The following UPRT variants were observed in gnomAD, a reference collection of about 807,000 sequenced individuals.
The protein encoded by UPRT is RP11-311P8.3.
UPRT carries 5 observed loss-of-function variants against 22.6 expected under a neutral mutation model. That is an observed-to-expected ratio of 0.22 (90% CI 0.12 to 0.47). UPRT has a LOEUF of 0.47. Ranked by LOEUF, UPRT falls within the 20% of genes least tolerant of loss-of-function variation. The probability of loss-of-function intolerance (pLI) is 0.99; values close to 1 mark genes in which losing one functional copy is unlikely to be tolerated. For synonymous variants in UPRT, 77 were observed against 87.7 expected, an observed-to-expected ratio of 0.88 and a Z score of 0.68; for missense variants, 181 against 239.9, an observed-to-expected ratio of 0.75 and a Z score of 1.62.
chrX:75,192,105 G>A (rs758901534), intron 4 of UPRT, among the ~76,000 whole-genome samples: 6 of 111,660 alleles, frequency 5.4e-5, no homozygotes, highest in Non-Finnish European at 7.5e-5. Flanking sequence ...TTGGAACCGC[G>A]TATAACCTTC....
intron 4 of UPRT, among the ~76,000 whole-genome samples, chrX:75,249,137 A>G (rs1466100569): frequency 9.0e-6 from 1 of 111,586 alleles, no homozygotes; most frequent in Non-Finnish European, 1.9e-5. Context: ...AAGTCTAGGA[A>G]GAGCTGCATC....
intron 4 of UPRT, among the ~76,000 whole-genome samples, chrX:75,247,814 G>A (rs2082512293): frequency 1.8e-5 from 2 of 112,121 alleles, no homozygotes; most frequent in South Asian, 3.7e-4. Flanking sequence ...CTAACTAGGA[G>A]GCACCCCTCA....
chrX:75,279,278 G>C (rs1602488917), intron 1 of UPRT, among the ~76,000 whole-genome samples: 1 of 111,573 alleles, frequency 9.0e-6, no homozygotes, highest in Admixed American at 9.5e-5. Flanking sequence ...CTTCCAGCTT[G>C]CACAAAACCA....
chrX:75,178,833 G>T (rs1445381438), intron 4 of UPRT, among the ~76,000 whole-genome samples: 2 of 111,336 alleles, frequency 1.8e-5, no homozygotes, highest in Admixed American at 9.5e-5. Context: ...AAAGAACAAA[G>T]CTTCCACAGT....
intron 4 of UPRT, among the ~76,000 whole-genome samples, chrX:75,267,780 T>C (rs1158847368): frequency 8.9e-6 from 1 of 111,809 alleles, no homozygotes; most frequent in Non-Finnish European, 1.9e-5. Context: ...GGGAAATTTA[T>C]AGCACTAAAT....
chrX:75,182,700 T>C (rs1006326073), intron 4 of UPRT, among the ~76,000 whole-genome samples: 1 of 112,003 alleles, frequency 8.9e-6, no homozygotes, highest in African/African-American at 3.2e-5. Flanking sequence ...TAATGTTCTC[T>C]TTTTCATTTC....
intron 3 of UPRT, among the ~76,000 whole-genome samples, chrX:75,296,654 C>T (rs745892025): frequency 1.8e-5 from 2 of 111,819 alleles, no homozygotes; most frequent in African/African-American, 3.2e-5. Context: ...TCAGCATGCA[C>T]GTGTTGCCTC....
intron 4 of UPRT, among the ~76,000 whole-genome samples, chrX:75,225,703 T>C (rs2082422212): frequency 8.9e-6 from 1 of 111,984 alleles, no homozygotes; most frequent in African/African-American, 3.2e-5. Context: ...TCACCAGTTA[T>C]TCTGGAAAAT....
chrX:75,253,011 G>T, intron 4 of UPRT, among the ~76,000 whole-genome samples: 1 of 110,753 alleles, frequency 9.0e-6, no homozygotes, highest in South Asian at 3.9e-4. Context: ...ATGGACACAG[G>T]TAGGGGAACA....
chrX:75,233,131 T>G (rs1401853488), intron 4 of UPRT, among the ~76,000 whole-genome samples: 3 of 110,472 alleles, frequency 2.7e-5, no homozygotes, highest in Non-Finnish European at 5.7e-5. Context: ...GACAACTACG[T>G]GAAGAATGCA....
At chrX:75,205,784 T>C (rs1325393127) in intron 4 of UPRT, among the ~76,000 whole-genome samples, 1 of 111,628 alleles carries the variant, frequency 9.0e-6, no homozygotes, top group African/African-American at 3.3e-5. Flanking sequence ...TTGCGTGCTG[T>C]CTTATTAGAT....
intron 4 of UPRT, among the ~76,000 whole-genome samples, chrX:75,241,327 C>T (rs750084175): frequency 1.8e-5 from 2 of 111,571 alleles, no homozygotes; most frequent in Non-Finnish European, 3.8e-5. Flanking sequence ...AAAAAAAATG[C>T]TCAACATCAC....
At chrX:75,226,736 C>T (rs2082424913) in intron 4 of UPRT, among the ~76,000 whole-genome samples, 1 of 109,888 alleles carries the variant, frequency 9.1e-6, no homozygotes. Flanking sequence ...CCTTTCCCTG[C>T]TTGCCATCAT....
At chrX:75,206,569 A>C (rs2082367653) in intron 4 of UPRT, among the ~76,000 whole-genome samples, 1 of 111,445 alleles carries the variant, frequency 9.0e-6, no homozygotes, top group African/African-American at 3.3e-5. Context: ...TTTATCATTG[A>C]GGTAGAACTA....
At chrX:75,282,720 T>C (rs1043475064) in intron 1 of UPRT, among the ~76,000 whole-genome samples, 1 of 111,894 alleles carries the variant, frequency 8.9e-6, no homozygotes, top group Non-Finnish European at 1.9e-5. Context: ...GAAAGTTCCA[T>C]GCACTGTTGA....
intron 4 of UPRT, among the ~76,000 whole-genome samples, chrX:75,253,550 A>T (rs1290922967): frequency 1.8e-5 from 2 of 111,932 alleles, no homozygotes; most frequent in African/African-American, 6.5e-5. Context: ...TCTTTAGAGG[A>T]TCATGGCAGA....
upstream of UPRT, among the ~76,000 whole-genome samples, chrX:75,271,121 T>A: frequency 9.0e-6 from 1 of 111,671 alleles, no homozygotes; most frequent in East Asian, 2.8e-4. Flanking sequence ...AATGCAATTC[T>A]CATCAAAATA....
At chrX:75,252,116 A>T (rs2082532620) in intron 4 of UPRT, among the ~76,000 whole-genome samples, 1 of 112,351 alleles carries the variant, frequency 8.9e-6, no homozygotes, top group African/African-American at 3.2e-5. Flanking sequence ...ATGCTAGAAG[A>T]AAACCTAGGC....
intron 4 of UPRT, among the ~76,000 whole-genome samples, chrX:75,190,384 G>A (rs375209355): frequency 1.4e-3 from 160 of 111,787 alleles, no homozygotes; most frequent in Middle Eastern, 9.3e-3. Flanking sequence ...TGGGTAACCC[G>A]ACCTTTCTCT....
Sources: allele counts gnomAD v4.1 joint callset (sites outside exome capture counted in the v4.1 genomes callset), GRCh38; gene constraint gnomAD v4.1.1; transcripts MANE v1.5; gene names NCBI Gene and HGNC (gene_info 2026-07-23, HGNC 2026-07-21).